ACBD5: variants seen among roughly 807,000 people sequenced by gnomAD.
ACBD5 encodes the protein acyl-CoA binding domain containing 5, also known as acyl-CoA-binding domain-containing protein 5.
In ACBD5, 40 loss-of-function variants were observed where a neutral mutation model predicts 71.8. That is an observed-to-expected ratio of 0.56 (90% CI 0.43 to 0.72). ACBD5 has a LOEUF of 0.72. Ranked by LOEUF, ACBD5 falls within the 30% of genes least tolerant of loss-of-function variation. The pLI, the probability that ACBD5 is intolerant of heterozygous loss-of-function variation, is 0.00. For synonymous variants in ACBD5, 229 were observed against 218.6 expected, an observed-to-expected ratio of 1.05 and a Z score of -0.42; for missense variants, 559 against 644.5, an observed-to-expected ratio of 0.87 and a Z score of 1.44.
chr10:27,191,982 A>C (rs1022942645), downstream of ACBD5, among the ~76,000 whole-genome samples: 1 of 152,230 alleles, frequency 6.6e-6, no homozygotes, highest in Non-Finnish European at 1.5e-5. Flanking sequence ...AGAAGAAATA[A>C]TAAGATACAG....
downstream of ACBD5, among the ~76,000 whole-genome samples, chr10:27,191,160 G>A (rs2059061434): frequency 6.6e-6 from 1 of 152,174 alleles, no homozygotes; most frequent in South Asian, 2.1e-4. Context: ...AAAAGACACA[G>A]ATGAATCTTA....
intron 4 of ACBD5, among the ~76,000 whole-genome samples, chr10:27,226,999 T>A (rs1004752636): frequency 2.9e-5 from 4 of 139,596 alleles, no homozygotes; most frequent in Admixed American, 1.7e-4. Flanking sequence ...ACATTCTGAT[T>A]TTTTTTGCGA....
intron 12 of ACBD5, among the ~76,000 whole-genome samples, chr10:27,198,865 C>T (rs2059619484): frequency 6.6e-6 from 1 of 152,156 alleles, no homozygotes; most frequent in African/African-American, 2.4e-5. Flanking sequence ...AATCCCAGCA[C>T]TTTGGGAGGC....
upstream of ACBD5, among the ~76,000 whole-genome samples, chr10:27,241,890 A>T (rs1454250649): frequency 6.6e-6 from 1 of 151,878 alleles, no homozygotes; most frequent in Non-Finnish European, 1.5e-5. Context: ...TGGTGGTGGG[A>T]CTGACTAGGT....
intron 12 of ACBD5, among the ~76,000 whole-genome samples, chr10:27,202,229 C>T (rs1362334808): frequency 2.6e-5 from 4 of 152,162 alleles, no homozygotes; most frequent in Admixed American, 1.3e-4. Flanking sequence ...AACTTATTTC[C>T]ACCATATCAA....
In ACBD5 at chr10:27,185,358, C is replaced by T. The variant is rs894294205; in HGVS notation, c.1494-2643G>A. 5.3e-5 allele frequency among the ~76,000 whole-genome samples: 8 copies of T among 152,034 alleles called. No homozygotes were observed. The South Asian group carries it at 1.5e-3, about 28-fold the overall frequency. ...TTTAACAAGATGCAGGCAGGGTGGG[C>T]GCGGTGGCTCACACCTATAATCCCA... On this transcript the variant is annotated intron_variant, in intron 13 of 13. Coordinates refer to the ACBD5 transcript ENST00000676511.
intron 10 of ACBD5, among the ~76,000 whole-genome samples, chr10:27,205,915 TTATTG>T (rs951667931): frequency 6.6e-6 from 1 of 152,098 alleles, no homozygotes; most frequent in Non-Finnish European, 1.5e-5. Context: ...CTTTATTTTA[TTATTG>T]TATTGTATTT....
intron 3 of ACBD5, chr10:27,232,275 C>T (rs534562181): frequency 1.4e-4 from 21 of 150,438 alleles, no homozygotes; most frequent in Middle Eastern, 3.5e-3. Context: ...CGGTAAAGAC[C>T]GGAAAGCCTG....
chr10:27,226,580 G>A (rs755731931), intron 4 of ACBD5, among the ~76,000 whole-genome samples: 5 of 151,250 alleles, frequency 3.3e-5, no homozygotes, highest in Non-Finnish European at 5.9e-5. Flanking sequence ...TGCAGTCCTC[G>A]GGCAGCATGT....
At chr10:27,239,410 CT>C (rs1247368309) in intron 2 of ACBD5, among the ~76,000 whole-genome samples, 17 of 152,186 alleles carry the variant, frequency 1.1e-4, no homozygotes, top group Non-Finnish European at 2.2e-4. Flanking sequence ...ACCACATCTA[CT>C]AGTCAAATTG....
intron 12 of ACBD5, 64 bp from the exon 13 acceptor site, chr10:27,197,506 A>G (rs2059476337): frequency 8.4e-7 from 1 of 1,193,494 alleles, no homozygotes; most frequent in East Asian, 2.5e-5. Context: ...TCTGGATGGT[A>G]ACATAATAAT....
At chr10:27,223,575 C>G (rs1171389589) in intron 4 of ACBD5, 123 bp from the exon 5 acceptor site, 7 of 771,256 alleles carry the variant, frequency 9.1e-6, no homozygotes, top group Non-Finnish European at 1.5e-5. Context: ...ATAATAGACT[C>G]TCTGAAGGAT....
chr10:27,233,991 C>T (rs1252548398), intron 3 of ACBD5, among the ~76,000 whole-genome samples: 2 of 152,208 alleles, frequency 1.3e-5, no homozygotes, highest in Admixed American at 1.3e-4. Flanking sequence ...TTGCGGTGAG[C>T]TGAGGTCACG....
intron 4 of ACBD5, among the ~76,000 whole-genome samples, chr10:27,227,396 C>T (rs2063217591): frequency 6.6e-6 from 1 of 152,134 alleles, no homozygotes; most frequent in Non-Finnish European, 1.5e-5. Context: ...AAAATTACCA[C>T]ATCTCTTAAA....
chr10:27,234,942 A>G, intron 3 of ACBD5, 150 bp downstream of exon 3: 1 of 804,966 alleles, frequency 1.2e-6, no homozygotes, highest in Non-Finnish European at 1.9e-6. Context: ...AAAAACAAAC[A>G]AACAAAAAAG....
At chr10:27,231,603 A>G in intron 4 of ACBD5, 145 bp downstream of exon 4, 1 of 727,734 alleles carries the variant, frequency 1.4e-6, no homozygotes, top group South Asian at 1.6e-5. Flanking sequence ...AATGAAGCAG[A>G]AAAGTCCTAA....
chr10:27,188,522 A>G (rs1167038219), intron 13 of ACBD5, among the ~76,000 whole-genome samples: 4 of 152,192 alleles, frequency 2.6e-5, no homozygotes, highest in Non-Finnish European at 5.9e-5. Flanking sequence ...TTTAGTTGCT[A>G]CCCAGGATAT....
At chr10:27,234,749 T>G (rs921708079) in intron 3 of ACBD5, among the ~76,000 whole-genome samples, 1 of 152,082 alleles carries the variant, frequency 6.6e-6, no homozygotes, top group South Asian at 2.1e-4. Context: ...GTGGCCAACA[T>G]AGTGAAACCC....
chr10:27,198,673 C>G (rs555395569), intron 12 of ACBD5, among the ~76,000 whole-genome samples: 1 of 152,270 alleles, frequency 6.6e-6, no homozygotes, highest in East Asian at 1.9e-4. Context: ...TTGACAAAGA[C>G]AAGAGAGATG....
Sources: allele counts gnomAD v4.1 joint callset (sites outside exome capture counted in the v4.1 genomes callset), GRCh38; gene constraint gnomAD v4.1.1; transcripts MANE v1.5; gene names NCBI Gene and HGNC (gene_info 2026-07-23, HGNC 2026-07-21).